ATXN10: variants seen among roughly 807,000 people sequenced by gnomAD.
The protein encoded by ATXN10 is ataxin-10.
ATXN10 carries 28 observed loss-of-function variants against 52.9 expected under a neutral mutation model. The observed-to-expected ratio is 0.53, with a 90% confidence interval of 0.39 to 0.73. The LOEUF is 0.73. Among genes scored for constraint, ATXN10 ranks in the 30% least tolerant of loss-of-function variants. ATXN10 has a pLI of 0.00. For missense variants in ATXN10, 565 were observed against 577.0 expected (o/e 0.98, Z 0.21); for synonymous variants, 226 against 221.5 (o/e 1.02, Z -0.18).
rs1455563607 is a variant in ATXN10, at chr22:45,780,662, C to T, written c.1174-26297C>T. 6.6e-6 allele frequency among the ~76,000 whole-genome samples: 1 copy of T among 152,190 alleles called. No individual in the cohort carries two copies. Among genetic ancestry groups the T allele is most frequent in the Admixed American group, 6.5e-5 (1 of 15,274 alleles). ...CCAATGCTTAGTACATATTAACTGCCTTTATTTTTGTTTGCACAAATATAT... is the reference window on the plus strand; with the variant it reads ...CCAATGCTTAGTACATATTAACTGCTTTTATTTTTGTTTGCACAAATATAT... On this transcript the variant is annotated intron_variant, in intron 9 of 11. Coordinates refer to ENST00000252934, the MANE Select transcript of ATXN10 (RefSeq NM_013236.4). This position sits in a 1 kb window ranked among gnomAD's most constrained non-coding sequence, Gnocchi z 4.0.
chr22:45,700,473 C>T, intron 4 of ATXN10, 95 bp downstream of exon 4: 1 of 977,780 alleles, frequency 1.0e-6, no homozygotes, highest in Non-Finnish European at 1.6e-6. Context: ...AAAAGTAACC[C>T]ACTGTAATAG....
rs185502466 is a variant in ATXN10 at position 45,701,288 on chromosome 22, A to G, written c.488+910A>G. 1.3e-5 allele frequency among the ~76,000 whole-genome samples: 2 copies of G among 152,338 alleles called. No individual in the cohort carries two copies. The highest frequency in any genetic ancestry group is 3.9e-4 in the East Asian group (2 of 5,186). ...ACAGATGAGAGACCTGAAGCTCATCACTGGTAAATGGCAGAGGTAGAGTGT... is the reference window on the plus strand; with the variant it reads ...ACAGATGAGAGACCTGAAGCTCATCGCTGGTAAATGGCAGAGGTAGAGTGT... On this transcript the variant is annotated intron_variant, in intron 4 of 11. Coordinates refer to ENST00000252934, the MANE Select transcript of ATXN10 (RefSeq NM_013236.4). This position sits in a 1 kb window ranked among gnomAD's most constrained non-coding sequence, Gnocchi z 4.2.
In ATXN10 at chr22:45,833,542, A is replaced by T. The variant is rs1482493046; in HGVS notation, c.1238-9449A>T. 6.6e-6 allele frequency among the ~76,000 whole-genome samples: 1 copy of T among 152,192 alleles called. No homozygotes were observed. Among genetic ancestry groups the T allele is most frequent in the Non-Finnish European group, 1.5e-5 (1 of 68,026 alleles). The stretch of plus-strand genomic sequence containing the variant: ...TTGAAATATCAACAGTGCTAGACGA[A>T]CACTAATGTCTTATAACTTAGGTGG... On this transcript the variant is annotated intron_variant, in intron 10 of 11. Transcript: ENST00000252934. This position sits in a 1 kb window ranked among gnomAD's most constrained non-coding sequence, Gnocchi z 4.3.
chr22:45,771,822 T>C (rs1296493164), intron 9 of ATXN10, among the ~76,000 whole-genome samples: 1 of 152,178 alleles, frequency 6.6e-6, no homozygotes, highest in Non-Finnish European at 1.5e-5. Context: ...GGGCCTCTGC[T>C]GTGTTGTCCA....
rs755973840 is a variant in ATXN10 at position 45,689,733 on chromosome 22, C to T, written c.138C>T (p.Ile46=). 1 of 1,614,120 alleles carries T rather than the reference C, an allele frequency of 6.2e-7. No individual in the cohort carries two copies. The highest frequency in any genetic ancestry group is 8.5e-7 in the Non-Finnish European group (1 of 1,179,972). ...QRNRETAPRT[I]FQRVLDILKK... ...TCAGAGAAACAGCACCCAGGACTAT[C>T]TTCCAAAGAGTTCTGGATATCCTAA... is the stretch of plus-strand genomic sequence containing the variant. The change falls in exon 2 of 12, where the codon ATC becomes ATT. Residue 46 remains isoleucine, a synonymous_variant. Transcript: ENST00000252934.
chr22:45,704,772 T>C (rs765164620), intron 5 of ATXN10, among the ~76,000 whole-genome samples: 2 of 152,160 alleles, frequency 1.3e-5, no homozygotes, highest in South Asian at 2.1e-4. Flanking sequence ...TTCTTTCTTT[T>C]CCTTGCCTAG....
chr22:45,749,481 TC>T (rs1336076690), intron 9 of ATXN10, among the ~76,000 whole-genome samples: 4 of 152,220 alleles, frequency 2.6e-5, no homozygotes, highest in African/African-American at 9.7e-5. Flanking sequence ...TACAGCTTTT[TC>T]CACAATTCTT....
chr22:45,715,157 C>T lies in ATXN10; in HGVS notation c.648-3256C>T, dbSNP rs1478820989. On this transcript the variant is annotated intron_variant, in intron 5 of 11. Transcript: ENST00000252934. This position sits in a 1 kb window ranked among gnomAD's most constrained non-coding sequence, Gnocchi z 4.4. ...TATTGATCAAATCACATTTATTGAACATTTGTTAGGAGATTTTTGGTTTTT... is the reference window on the plus strand; with the variant it reads ...TATTGATCAAATCACATTTATTGAATATTTGTTAGGAGATTTTTGGTTTTT... Among the ~76,000 whole-genome samples, 1 of 152,140 alleles carries T rather than the reference C, an allele frequency of 6.6e-6. No individual in the cohort carries two copies. The highest frequency in any genetic ancestry group is 2.4e-5 in the African/African-American group (1 of 41,420).
rs1926463717 is a variant in ATXN10 at position 45,763,267 on chromosome 22, G to C, written c.1173+22729G>C. Among the ~76,000 whole-genome samples the C allele has an allele frequency of 6.6e-6, 1 of 152,160 alleles. No individual in the cohort carries two copies. Among genetic ancestry groups the C allele is most frequent in the Admixed American group, 6.5e-5 (1 of 15,278 alleles). ...AGAGTGAGGTGGTGAGGTGGGCCTG[G>C]CGTGTTCAAGGCAGAGAAGGAAGGA... On this transcript the variant is annotated intron_variant, in intron 9 of 11. Transcript: ENST00000252934. The surrounding 1 kb of genome is among the most constrained non-coding windows in gnomAD (Gnocchi z 6.9).
intron 2 of ATXN10, among the ~76,000 whole-genome samples, chr22:45,692,736 C>A (rs1198457951): frequency 2.6e-5 from 4 of 152,038 alleles, no homozygotes; most frequent in Admixed American, 6.6e-5. Flanking sequence ...GGGTAAAATA[C>A]AATAAAGCAA....
At chr22:45,734,214 T>G (rs558564006) in intron 7 of ATXN10, among the ~76,000 whole-genome samples, 4 of 152,350 alleles carry the variant, frequency 2.6e-5, no homozygotes, top group East Asian at 1.9e-4. Context: ...TTAAAAACTT[T>G]AGAGAGATTT....
chr22:45,767,288 A>G (rs981079463), intron 9 of ATXN10, among the ~76,000 whole-genome samples: 2 of 152,194 alleles, frequency 1.3e-5, no homozygotes, highest in Non-Finnish European at 2.9e-5. Flanking sequence ...TATTCTGCAG[A>G]GTGATCTGAG....
At chr22:45,692,911 G>C in intron 2 of ATXN10, 85 bp from the exon 3 acceptor site, 1 of 1,084,098 alleles carries the variant, frequency 9.2e-7, no homozygotes, top group Admixed American at 1.8e-5. Context: ...AGATTTCTCA[G>C]CTCTCCCATT....
intron 1 of ATXN10, among the ~76,000 whole-genome samples, chr22:45,689,278 C>G (rs532241406): frequency 5.2e-4 from 79 of 152,324 alleles, no homozygotes; most frequent in African/African-American, 1.8e-3. Context: ...ATACTCTGTT[C>G]TGATTCAGGG....
intron 9 of ATXN10, among the ~76,000 whole-genome samples, chr22:45,749,642 G>A (rs1264569283): frequency 6.6e-6 from 1 of 151,748 alleles, no homozygotes; most frequent in Non-Finnish European, 1.5e-5. Flanking sequence ...GCTCATTTTA[G>A]CCTTGAGCTC....
intron 7 of ATXN10, 181 bp downstream of exon 7, chr22:45,729,771 A>G (rs1416396534): frequency 8.2e-6 from 6 of 733,452 alleles, no homozygotes; most frequent in South Asian, 4.5e-5. Flanking sequence ...TATTCCTACC[A>G]TCCAGAGTCA....
intron 4 of ATXN10, among the ~76,000 whole-genome samples, chr22:45,700,877 A>G (rs1056957617): frequency 3.3e-5 from 5 of 152,218 alleles, no homozygotes; most frequent in East Asian, 1.9e-4. Context: ...CAGTTTATCC[A>G]TGTAAGAAGT....
rs1240168369 is a variant in ATXN10, at chr22:45,744,822, C to G, written c.1173+4284C>G. Reference sequence around the variant, plus strand: ...GGCAAGATTTAAGAGAATCAAGGTACGTTGCCTCAGATTGAAAATCTGCAC... The same window carrying G: ...GGCAAGATTTAAGAGAATCAAGGTAGGTTGCCTCAGATTGAAAATCTGCAC... On this transcript the variant is annotated intron_variant, in intron 9 of 11. Transcript: ENST00000252934. The surrounding 1 kb of genome is among the most constrained non-coding windows in gnomAD (Gnocchi z 4.9). 6.6e-6 allele frequency: 1 copy of G among 152,148 alleles called. No individual in the cohort carries two copies. The highest frequency in any genetic ancestry group is 1.5e-5 in the Non-Finnish European group (1 of 68,028). The allele number at this position is 152,148 out of a possible 1,614,324, so 9.4% of individuals were successfully genotyped here.
chr22:45,739,552 G>T (rs905947257), intron 8 of ATXN10, among the ~76,000 whole-genome samples: 3 of 152,260 alleles, frequency 2.0e-5, no homozygotes, highest in African/African-American at 7.2e-5. Context: ...TGTATTTTGA[G>T]TACATTGCTT....
Sources: allele counts gnomAD v4.1 joint callset (sites outside exome capture counted in the v4.1 genomes callset), GRCh38; gene constraint gnomAD v4.1.1; non-coding constraint Gnocchi (gnomAD v3.1); transcripts MANE v1.5; gene names NCBI Gene and HGNC (gene_info 2026-07-23, HGNC 2026-07-21).